SYTL2: variants seen among roughly 807,000 people sequenced by gnomAD.
The protein encoded by SYTL2 is synaptotagmin like 2.
Under a neutral mutation model 198.7 loss-of-function variants are expected in SYTL2, and 165 were observed. The observed-to-expected ratio is 0.83, with a 90% confidence interval of 0.73 to 0.94. The LOEUF is 0.94. Ranked by LOEUF, SYTL2 falls within the 40% of genes least tolerant of loss-of-function variation. SYTL2 has a pLI of 0.00. For missense variants in SYTL2, 2,835 were observed against 2,582.8 expected (o/e 1.10, Z -2.12); for synonymous variants, 966 against 917.7 (o/e 1.05, Z -0.95).
At chr11:85,746,408 G>C (rs1048733247) in intron 3 of SYTL2, among the ~76,000 whole-genome samples, 1 of 152,102 alleles carries the variant, frequency 6.6e-6, no homozygotes, top group African/African-American at 2.4e-5. Context: ...CTCTTTACCT[G>C]AACATCTCTG....
rs61745112 is a variant in SYTL2, at chr11:85,727,744, G to A, written c.1614C>T (p.Phe538=). ...RSSYSDDNKS[F]LQHPRGIESK... Reference sequence around the variant, plus strand: ...ACTCTATTCCTCGGGGATGTTGGAGGAATGACTTATTGTCATCTGAATAAG... The same window carrying A: ...ACTCTATTCCTCGGGGATGTTGGAGAAATGACTTATTGTCATCTGAATAAG... Residue 538 remains phenylalanine, a synonymous_variant, in exon 8 of 20, where the codon TTC becomes TTT. Coordinates refer to ENST00000359152, the MANE Select transcript of SYTL2 (RefSeq NM_206927.4). 2,958 of 1,555,266 alleles carry A rather than the reference G, an allele frequency of 1.9e-3. 51 individuals carry two copies. In the African/African-American group the frequency reaches 0.037, roughly 19 times the overall value.
In SYTL2 at chr11:85,726,508, A is replaced by G. The variant is rs1261113666; in HGVS notation, c.2850T>C (p.Pro950=). The change falls in exon 8 of 20, where the codon CCT becomes CCC. Residue 950 remains proline, a synonymous_variant. Coordinates refer to ENST00000359152, the MANE Select transcript of SYTL2 (RefSeq NM_206927.4). ...AGTTGGCATTTGATTCACGAACTAG[A>G]GGTCTGTCTTTCTCCAATGGAGCAT... ...ERHAPLEKDR[P]LVRESNANFK... 7 of 1,606,030 alleles carry G rather than the reference A, an allele frequency of 4.4e-6. No homozygotes were observed. In the Admixed American group the frequency reaches 5.0e-5, roughly 11 times the overall value.
At chr11:85,838,510 C>A in the SYTL2 span, among the ~76,000 whole-genome samples, 1 of 152,168 alleles carries the variant, frequency 6.6e-6, no homozygotes, top group Non-Finnish European at 1.5e-5. Flanking sequence ...CCAGCATCTG[C>A]TTGGCCTCTA....
chr11:85,831,169 A>G, the SYTL2 span, among the ~76,000 whole-genome samples: 1 of 152,190 alleles, frequency 6.6e-6, no homozygotes, highest in Non-Finnish European at 1.5e-5. Context: ...TAATTCATCA[A>G]TTGTGTGCTT....
intron 1 of SYTL2, among the ~76,000 whole-genome samples, chr11:85,789,173 T>A (rs914864113): frequency 1.4e-4 from 21 of 150,276 alleles, no homozygotes; most frequent in Non-Finnish European, 5.9e-5. Flanking sequence ...CCTAGCTCAC[T>A]GCAGCCTCGA....
chr11:85,730,678 T>A (rs688691), intron 7 of SYTL2, among the ~76,000 whole-genome samples: 1 of 151,356 alleles, frequency 6.6e-6, no homozygotes, highest in Non-Finnish European at 1.5e-5. Flanking sequence ...CTTTGAAAAC[T>A]GGCACAAGAC....
Position 85,748,322 on chromosome 11 carries a change from C to T in SYTL2, c.203G>A (p.Gly68Asp). ...CATAGATGCTCTGATGATATCTGCGCCATGGATTTTGTCCCTGTGCCTTTT... is the reference window on the plus strand; with the variant it reads ...CATAGATGCTCTGATGATATCTGCGTCATGGATTTTGTCCCTGTGCCTTTT... The part of the protein sequence containing the change: ...KAKRHRDKIH[G>D]ADIIRASMRK... The change falls in exon 3 of 20, where the codon GGC becomes GAC. Residue 68 changes from glycine to aspartate, a missense_variant. By Grantham distance (94) the Gly-to-Asp change is moderately conservative. Transcript: ENST00000359152. The T allele has an allele frequency of 1.2e-6, 2 of 1,614,040 alleles. No homozygotes were observed. Among genetic ancestry groups the T allele is most frequent in the Non-Finnish European group, 1.7e-6 (2 of 1,179,934 alleles).
At chr11:85,838,354 T>C in the SYTL2 span, among the ~76,000 whole-genome samples, 1 of 152,176 alleles carries the variant, frequency 6.6e-6, no homozygotes, top group African/African-American at 2.4e-5. Context: ...TCTCTGGAGA[T>C]ATAGATATGG....
intron 1 of SYTL2, among the ~76,000 whole-genome samples, chr11:85,795,419 C>A (rs535665296): frequency 1.3e-5 from 2 of 152,158 alleles, no homozygotes; most frequent in Non-Finnish European, 2.9e-5. Context: ...CAGATACTTA[C>A]GCCCAGTAGC....
chr11:85,826,167 T>C, the SYTL2 span, among the ~76,000 whole-genome samples: 3 of 152,160 alleles, frequency 2.0e-5, no homozygotes, highest in Non-Finnish European at 4.4e-5. Context: ...CCCAGACCTA[T>C]AATTTTGGCC....
chr11:85,744,831 A>G (rs1396682304), intron 4 of SYTL2, among the ~76,000 whole-genome samples: 1 of 152,232 alleles, frequency 6.6e-6, no homozygotes, highest in African/African-American at 2.4e-5. Flanking sequence ...GCCCTCAAGG[A>G]ACAGACACCC....
intron 2 of SYTL2, among the ~76,000 whole-genome samples, chr11:85,751,122 T>C (rs2091485334): frequency 6.6e-6 from 1 of 152,180 alleles, no homozygotes; most frequent in African/African-American, 2.4e-5. Flanking sequence ...AGGAAAGGGT[T>C]TCTGGCTCAC....
At chr11:85,721,685 A>G (rs1181458240) in intron 8 of SYTL2, among the ~76,000 whole-genome samples, 1 of 152,208 alleles carries the variant, frequency 6.6e-6, no homozygotes, top group East Asian at 1.9e-4. Flanking sequence ...TGCTGAATCA[A>G]TGAGTGATTC....
chr11:85,799,543 C>T (rs1248331842), intron 1 of SYTL2, among the ~76,000 whole-genome samples: 2 of 152,228 alleles, frequency 1.3e-5, no homozygotes, highest in Non-Finnish European at 2.9e-5. Flanking sequence ...TCCTTAATAA[C>T]ATGTACTACA....
At chr11:85,740,638 CATG>C (rs2090715721) in intron 4 of SYTL2, among the ~76,000 whole-genome samples, 1 of 152,192 alleles carries the variant, frequency 6.6e-6, no homozygotes, top group Non-Finnish European at 1.5e-5. Context: ...ATACATTCCA[CATG>C]ATAAGATTTT....
chr11:85,853,698 A>G, the SYTL2 span: 1 of 154,346 alleles, frequency 6.5e-6, no homozygotes, highest in Non-Finnish European at 1.4e-5. Context: ...AGGGCCCCAA[A>G]GTGACGTCAG....
intron 4 of SYTL2, among the ~76,000 whole-genome samples, chr11:85,744,383 A>G (rs1460960067): frequency 6.6e-6 from 1 of 152,216 alleles, no homozygotes; most frequent in African/African-American, 2.4e-5. Context: ...AGTGACTACT[A>G]TTAAGGTGTT....
At chr11:85,753,495 T>C (rs745496596) in intron 2 of SYTL2, among the ~76,000 whole-genome samples, 86 of 152,184 alleles carry the variant, frequency 5.7e-4, no homozygotes, top group Non-Finnish European at 9.4e-4. Flanking sequence ...GACTATTTCC[T>C]TGGGTACGAG....
At chr11:85,709,236 C>A in intron 14 of SYTL2, 95 bp downstream of exon 14, 1 of 1,217,734 alleles carries the variant, frequency 8.2e-7, no homozygotes, top group Non-Finnish European at 1.2e-6. Context: ...TAACACATAC[C>A]CTCCCTCCTC....
Sources: allele counts gnomAD v4.1 joint callset (sites outside exome capture counted in the v4.1 genomes callset), GRCh38; gene constraint gnomAD v4.1.1; transcripts MANE v1.5; gene names NCBI Gene and HGNC (gene_info 2026-07-23, HGNC 2026-07-21).